The following FIGN variants were observed in gnomAD, a reference collection of about 807,000 sequenced individuals.
FIGN encodes the protein fidgetin.
A neutral mutation model predicts 51.3 loss-of-function variants in FIGN; 11 were observed. That is an observed-to-expected ratio of 0.21 (90% CI 0.13 to 0.35). The LOEUF is 0.35. Among genes scored for constraint, FIGN ranks in the 10% least tolerant of loss-of-function variants. The pLI, the probability that FIGN is intolerant of heterozygous loss-of-function variation, is 1.00. For synonymous variants in FIGN, 407 were observed against 363.2 expected, an observed-to-expected ratio of 1.12 and a Z score of -1.37; for missense variants, 857 against 943.6, an observed-to-expected ratio of 0.91 and a Z score of 1.20.
intron 2 of FIGN, among the ~76,000 whole-genome samples, chr2:163,673,193 C>T (rs1043389674): frequency 1.3e-5 from 2 of 151,992 alleles, no homozygotes; most frequent in Non-Finnish European, 2.9e-5. Flanking sequence ...ATTGGATCTG[C>T]AAAGTGTAAA....
chr2:163,636,582 A>G (rs894473130), intron 2 of FIGN, among the ~76,000 whole-genome samples: 2 of 151,924 alleles, frequency 1.3e-5, no homozygotes, highest in African/African-American at 4.8e-5. Flanking sequence ...ACTGCTCCCG[A>G]CTCTAATGGT....
chr2:163,669,357 G>A (rs936779514), intron 2 of FIGN, among the ~76,000 whole-genome samples: 11 of 152,068 alleles, frequency 7.2e-5, no homozygotes, highest in Admixed American at 2.0e-4. Context: ...GACTACAGGC[G>A]CATGCCACCA....
chr2:163,637,503 C>G (rs1683244276), intron 2 of FIGN, among the ~76,000 whole-genome samples: 2 of 152,034 alleles, frequency 1.3e-5, no homozygotes, highest in Admixed American at 6.5e-5. Flanking sequence ...CTTAGTGCCT[C>G]TCACTTAGAA....
rs1491432139 is a variant in FIGN at position 163,676,484 on chromosome 2, A to ATATATATATAT, written c.25+58418_25+58419insATATATATATA. 3.9e-4 allele frequency among the ~76,000 whole-genome samples: 22 copies of ATATATATATAT among 55,728 alleles called. 5 individuals carry two copies. The highest frequency in any genetic ancestry group is 7.0e-4 in the Non-Finnish European group (17 of 24,134). 36.6% of individuals were successfully genotyped at this position (55,728 alleles called of 152,430 possible). ...ATATATATATATATATATATATATA[A>ATATATATATAT]CTAGAGTCTGTGCACCCGAATCTGA... On this transcript the variant is annotated intron_variant, in intron 2 of 2. Coordinates refer to ENST00000333129, the MANE Select transcript of FIGN (RefSeq NM_018086.4).
At chr2:163,627,845 C>T (rs544941553) in intron 2 of FIGN, among the ~76,000 whole-genome samples, 24 of 152,276 alleles carry the variant, frequency 1.6e-4, no homozygotes, top group Admixed American at 1.4e-3. Flanking sequence ...CTGTTGAAGG[C>T]TTACTATCCC....
chr2:163,610,280 A>G lies in FIGN; in HGVS notation c.1552T>C (p.Leu518=), dbSNP rs1025953893. The G allele has an allele frequency of 2.5e-6, 4 of 1,613,992 alleles. No individual in the cohort carries two copies. In the Admixed American group the frequency reaches 5.0e-5, roughly 20 times the overall value. The part of the protein sequence containing the change: ...RSDAFSGLTA[L]PRSILLFGPR... Reference sequence around the variant, plus strand: ...CCAAATAAAAGGATGCTCCGAGGTAAGGCCGTCAGTCCACTGAACGCGTCT... The same window carrying G: ...CCAAATAAAAGGATGCTCCGAGGTAGGGCCGTCAGTCCACTGAACGCGTCT... The change falls in exon 3 of 3, where the codon TTA becomes CTA. Residue 518 remains leucine (L), a synonymous_variant. Coordinates refer to ENST00000333129, the MANE Select transcript of FIGN (RefSeq NM_018086.4).
In FIGN at chr2:163,672,111, GT is replaced by G. The variant is rs1363448377; in HGVS notation, c.26-60306del. 2.0e-5 allele frequency among the ~76,000 whole-genome samples: 3 copies of G among 152,210 alleles called. No individual in the cohort carries two copies. In the East Asian group the frequency reaches 5.8e-4, roughly 29 times the overall value. ...GCTGAGATAATTGTTTTACTTTGAA[GT>G]TTCTCAAGATCTATTGTGTTAGTTC... On this transcript the variant is annotated intron_variant, in intron 2 of 2. Transcript: ENST00000333129.
At chr2:163,634,511 TG>T (rs1470277895) in intron 2 of FIGN, among the ~76,000 whole-genome samples, 5 of 152,178 alleles carry the variant, frequency 3.3e-5, no homozygotes, top group African/African-American at 1.2e-4. Flanking sequence ...ACTGCAACAC[TG>T]GGCTCTCTCA....
At chr2:163,650,396 A>G (rs1224084299) in intron 2 of FIGN, among the ~76,000 whole-genome samples, 1 of 151,806 alleles carries the variant, frequency 6.6e-6, no homozygotes, top group Non-Finnish European at 1.5e-5. Context: ...CCTTTTTCTG[A>G]TTTTTTAAAA....
At chr2:163,612,524 C>A (rs1339225905) in intron 2 of FIGN, 16 of 985,076 alleles carry the variant, frequency 1.6e-5, no homozygotes, top group Admixed American at 6.2e-5. Flanking sequence ...CGCACAAAGC[C>A]TACAACTCGG....
intron 2 of FIGN, among the ~76,000 whole-genome samples, chr2:163,734,446 T>G (rs1031916290): frequency 4.7e-5 from 7 of 148,334 alleles, no homozygotes; most frequent in African/African-American, 1.5e-4. Flanking sequence ...AAAAATAAAA[T>G]TTTCATCCAG....
chr2:163,622,835 A>C (rs540416597), intron 2 of FIGN, among the ~76,000 whole-genome samples: 4 of 152,112 alleles, frequency 2.6e-5, no homozygotes, highest in Non-Finnish European at 5.9e-5. Context: ...AAAGTGCTGG[A>C]ATTACAGGCA....
At chr2:163,636,565 G>A (rs376256477) in intron 2 of FIGN, among the ~76,000 whole-genome samples, 3 of 152,166 alleles carry the variant, frequency 2.0e-5, no homozygotes, top group East Asian at 1.9e-4. Context: ...GATTACAGGC[G>A]TGAGCCACTG....
chr2:163,683,163 G>GC, intron 2 of FIGN, among the ~76,000 whole-genome samples: 1 of 152,200 alleles, frequency 6.6e-6, no homozygotes, highest in African/African-American at 2.4e-5. Context: ...ATGCCTCAAA[G>GC]CCCCCAGGAT....
rs578217100 is a variant in FIGN, at chr2:163,720,355, T to C, written c.25+14548A>G. Among the ~76,000 whole-genome samples, 10 of 152,300 alleles carry C rather than the reference T, an allele frequency of 6.6e-5. 1 individual carries two copies. The highest frequency in any genetic ancestry group is 6.8e-3 in the Middle Eastern group (2 of 294). ...ACAAAGACAAGGCTAAAAGAAGGCA[T>C]GGCCGACCACTGAATGAAAACAATT... On this transcript the variant is annotated intron_variant, in intron 2 of 2. Transcript: ENST00000333129.
intron 2 of FIGN, among the ~76,000 whole-genome samples, chr2:163,717,342 GT>G (rs1407315915): frequency 6.6e-6 from 1 of 152,118 alleles, no homozygotes; most frequent in Non-Finnish European, 1.5e-5. Context: ...TATTACCAAA[GT>G]AATGCAAACA....
At chr2:163,681,013 A>G (rs546085139) in intron 2 of FIGN, among the ~76,000 whole-genome samples, 2 of 152,366 alleles carry the variant, frequency 1.3e-5, no homozygotes, top group Admixed American at 1.3e-4. Flanking sequence ...GACCTTAAGC[A>G]ATAGTGCTGT....
chr2:163,611,414 G>A lies in FIGN; in HGVS notation c.418C>T (p.Pro140Ser). Residue 140 changes from proline (P) to serine (S), a missense_variant, in exon 3 of 3, where the codon CCT becomes TCT. This residue lies in a region of FIGN where 799 missense variants were observed against 849.5 expected (regional missense o/e 0.94). Coordinates refer to ENST00000333129, the MANE Select transcript of FIGN (RefSeq NM_018086.4). Reference protein sequence around the residue: ...ASKAGVSSALPPADVSASIGS... With the variant: ...ASKAGVSSALSPADVSASIGS... ...ATACTCGCAGAGACATCTGCTGGAG[G>A]GAGGGCTGAACTGACTCCAGCTTTG... 2 of 1,614,130 alleles carry A rather than the reference G, an allele frequency of 1.2e-6. No homozygotes were observed. Among genetic ancestry groups the A allele is most frequent in the Non-Finnish European group, 1.7e-6 (2 of 1,179,994 alleles).
chr2:163,706,303 T>C lies in FIGN; in HGVS notation c.25+28600A>G, dbSNP rs1684498468. Among the ~76,000 whole-genome samples, 4 of 152,136 alleles carry C rather than the reference T, an allele frequency of 2.6e-5. No homozygotes were observed. The South Asian group carries it at 6.2e-4, about 24-fold the overall frequency. ...AGAACTATATTTTAATTAACAGCAGTTACAAATTATTTACCTGAAAAGAAA... is the reference window on the plus strand; with the variant it reads ...AGAACTATATTTTAATTAACAGCAGCTACAAATTATTTACCTGAAAAGAAA... On this transcript the variant is annotated intron_variant, in intron 2 of 2. Transcript: ENST00000333129.
Sources: gnomAD v4.1 joint callset for allele counts (sites outside exome capture counted in the v4.1 genomes callset) on GRCh38, gnomAD v4.1.1 for gene constraint, gnomAD v4.1.1 regional missense constraint, MANE v1.5 for transcripts, NCBI Gene and HGNC (gene_info 2026-07-23, HGNC 2026-07-21) for gene names.